DISC1: variants seen among roughly 807,000 people sequenced by gnomAD.
The protein encoded by DISC1 is disrupted in schizophrenia 1 protein.
Under a neutral mutation model 84.5 loss-of-function variants are expected in DISC1, and 57 were observed. That is an observed-to-expected ratio of 0.67 (90% CI 0.55 to 0.84). The LOEUF is 0.84. DISC1 is among the 40% of genes least tolerant of loss of function. The pLI is 0.00. For synonymous variants in DISC1, 411 were observed against 415.2 expected, an observed-to-expected ratio of 0.99 and a Z score of 0.12; for missense variants, 1,000 against 1,057.8, an observed-to-expected ratio of 0.95 and a Z score of 0.76.
At chr1:231,818,836 A>G (rs995282379) in intron 9 of DISC1, 20 of 1,146,038 alleles carry the variant, frequency 1.7e-5, no homozygotes, top group South Asian at 5.1e-5. Context: ...TTGTGTGACA[A>G]TTATCTTCCT....
chr1:231,714,564 G>A (rs1213254175), intron 3 of DISC1, among the ~76,000 whole-genome samples: 1 of 151,918 alleles, frequency 6.6e-6, no homozygotes, highest in East Asian at 1.9e-4. Flanking sequence ...CAGAGAGAAA[G>A]AGACAGAGAG....
At chr1:231,926,041 A>G (rs779169471) in intron 9 of DISC1, 1 of 152,090 alleles carries the variant, frequency 6.6e-6, no homozygotes, top group Non-Finnish European at 1.5e-5. Flanking sequence ...CATAATAAAC[A>G]CTCAGTGCTA....
At chr1:231,727,406 C>T (rs201322393) in intron 3 of DISC1, among the ~76,000 whole-genome samples, 3 of 152,130 alleles carry the variant, frequency 2.0e-5, no homozygotes, top group Non-Finnish European at 4.4e-5. Flanking sequence ...TGCTGCATGT[C>T]CTACATGTGT....
intron 4 of DISC1, among the ~76,000 whole-genome samples, chr1:231,765,090 T>C (rs1478165925): frequency 6.7e-6 from 1 of 149,172 alleles, no homozygotes; most frequent in Non-Finnish European, 1.5e-5. Flanking sequence ...CATTGGAGGC[T>C]GAGGCAGGAG....
intron 4 of DISC1, chr1:231,750,618 G>C: frequency 1.0e-6 from 1 of 982,212 alleles, no homozygotes; most frequent in Non-Finnish European, 1.2e-6. Context: ...GAATAACTTA[G>C]AAAGATTTAA....
rs1221700138 is a variant in DISC1 at position 231,958,812 on chromosome 1, C to T, written c.1982-16C>T. ...CTGCAGTTGCATTAACTTTGGATTT[C>T]CTTTTTTTCCCCCAGAAACAAGTGT... On this transcript the variant is annotated splice_polypyrimidine_tract_variant and intron_variant, in intron 9 of 12. Coordinates refer to ENST00000439617, the MANE Select transcript of DISC1 (RefSeq NM_018662.3). The T allele has an allele frequency of 6.2e-7, 1 of 1,611,754 alleles. No individual in the cohort carries two copies. The highest frequency in any genetic ancestry group is 1.3e-5 in the African/African-American group (1 of 74,844).
chr1:231,725,901 A>C (rs1479201614), intron 3 of DISC1, among the ~76,000 whole-genome samples: 3 of 151,792 alleles, frequency 2.0e-5, no homozygotes, highest in Non-Finnish European at 4.4e-5. Flanking sequence ...TGCTGGAGAA[A>C]CTGCACACTG....
At chr1:231,857,024 G>A (rs530492034) in intron 9 of DISC1, among the ~76,000 whole-genome samples, 12 of 152,318 alleles carry the variant, frequency 7.9e-5, no homozygotes, top group Admixed American at 4.6e-4. Context: ...GAGGGTTTAA[G>A]GAATTTGGCT....
chr1:231,965,935 A>G (rs1661049201), intron 10 of DISC1, among the ~76,000 whole-genome samples: 1 of 152,156 alleles, frequency 6.6e-6, no homozygotes, highest in African/African-American at 2.4e-5. Context: ...ATTCTATTAG[A>G]CTGTGAGCTC....
At chr1:231,831,488 C>T (rs2082220255) in intron 9 of DISC1, among the ~76,000 whole-genome samples, 2 of 152,078 alleles carry the variant, frequency 1.3e-5, no homozygotes, top group East Asian at 3.9e-4. Context: ...GTGGGAATGA[C>T]TGATGTGAAG....
At chr1:232,013,327 T>C (rs1668195463) in intron 11 of DISC1, among the ~76,000 whole-genome samples, 1 of 152,096 alleles carries the variant, frequency 6.6e-6, no homozygotes, top group Admixed American at 6.5e-5. Context: ...GCGTGCAGTA[T>C]GTGAGTAGCC....
intron 9 of DISC1, among the ~76,000 whole-genome samples, chr1:231,891,524 G>C (rs1206328867): frequency 6.6e-6 from 1 of 152,208 alleles, no homozygotes. Flanking sequence ...TCTGCAGGAA[G>C]GAATGCTGAG....
At chr1:231,986,322 T>C (rs988661928) in intron 10 of DISC1, among the ~76,000 whole-genome samples, 4 of 152,176 alleles carry the variant, frequency 2.6e-5, no homozygotes, top group Non-Finnish European at 4.4e-5. Context: ...GGGAATTCAA[T>C]GGATGCATAA....
At chr1:231,959,806 G>C (rs1028743345) in intron 10 of DISC1, among the ~76,000 whole-genome samples, 1 of 152,166 alleles carries the variant, frequency 6.6e-6, no homozygotes, top group Non-Finnish European at 1.5e-5. Flanking sequence ...TGACACAGGT[G>C]GTTAGCAGAG....
At chr1:231,695,048 G>T (rs892963229) in intron 2 of DISC1, among the ~76,000 whole-genome samples, 1 of 152,186 alleles carries the variant, frequency 6.6e-6, no homozygotes, top group Non-Finnish European at 1.5e-5. Flanking sequence ...CCATTGGGCC[G>T]CAGGCTCCTC....
At position 231,630,551 on chromosome 1, in the gene DISC1, T is replaced by G. The variant is rs975201424; in HGVS notation, c.67+3617T>G. Reference sequence around the variant, plus strand: ...AGCCCACTGTTTCCAGAGATTCCCTTGGCAGCCACCCTGGGTTGAGGAGGG... The same window carrying G: ...AGCCCACTGTTTCCAGAGATTCCCTGGGCAGCCACCCTGGGTTGAGGAGGG... On this transcript the variant is annotated intron_variant, in intron 1 of 12. Transcript: ENST00000439617. This position sits in a 1 kb window ranked among gnomAD's most constrained non-coding sequence, Gnocchi z 4.4. Among the ~76,000 whole-genome samples the G allele has an allele frequency of 4.6e-5, 7 of 152,078 alleles. No homozygotes were observed. Among genetic ancestry groups the G allele is most frequent in the Admixed American group, 3.9e-4 (6 of 15,268 alleles).
chr1:231,759,526 C>CAAAAAAAAAAAAAA (rs767431903), intron 4 of DISC1, among the ~76,000 whole-genome samples: 1 of 48,298 alleles, frequency 2.1e-5, no homozygotes. Context: ...CCCATCTCTA[C>CAAAAAAAAAAAAAA]AAAAAAAAAA....
At chr1:231,647,339 GT>G (rs1159601699) in intron 1 of DISC1, among the ~76,000 whole-genome samples, 1 of 152,172 alleles carries the variant, frequency 6.6e-6, no homozygotes, top group Admixed American at 6.5e-5. Flanking sequence ...CCCATTTCTT[GT>G]TTTTGTCAGC....
intron 9 of DISC1, among the ~76,000 whole-genome samples, chr1:231,856,639 C>A (rs1270522680): frequency 6.6e-6 from 1 of 152,192 alleles, no homozygotes; most frequent in Non-Finnish European, 1.5e-5. Context: ...AGCTTGCCTG[C>A]CCTGCGTGAG....
Sources: gnomAD v4.1 joint callset for allele counts (sites outside exome capture counted in the v4.1 genomes callset) on GRCh38, gnomAD v4.1.1 for gene constraint, Gnocchi (gnomAD v3.1) non-coding constraint, MANE v1.5 for transcripts, NCBI Gene and HGNC (gene_info 2026-07-23, HGNC 2026-07-21) for gene names.